TAF4B: variants seen among roughly 807,000 people sequenced by gnomAD.
TAF4B encodes TATA-box binding protein associated factor 4b.
In TAF4B, 38 loss-of-function variants were observed where a neutral mutation model predicts 86.4. The observed-to-expected ratio is 0.44, with a 90% confidence interval of 0.34 to 0.58. TAF4B has a LOEUF of 0.58. Among genes scored for constraint, TAF4B ranks in the 20% least tolerant of loss-of-function variants. TAF4B has a pLI of 0.02. For missense variants in TAF4B, 988 were observed against 1,027.6 expected, an observed-to-expected ratio of 0.96 and a Z score of 0.53; for synonymous variants, 388 against 391.2, an observed-to-expected ratio of 0.99 and a Z score of 0.10.
In TAF4B at chr18:26,299,565, C is replaced by T. The variant is rs555158146; in HGVS notation, c.1832+6034C>T. On this transcript the variant is annotated intron_variant, in intron 9 of 14. Coordinates refer to ENST00000269142, the MANE Select transcript of TAF4B (RefSeq NM_005640.3). ...AAAAATGAGTCATAGTCTTCCCCCC[C>T]TCCTTTGTTTTAAGCTTTTGTGTAG... Among the ~76,000 whole-genome samples the T allele has an allele frequency of 1.1e-4, 16 of 152,198 alleles. No individual in the cohort carries two copies. The South Asian group carries it at 3.3e-3, about 32-fold the overall frequency.
intron 1 of TAF4B, chr18:26,256,411 T>C (rs527292534): frequency 9.8e-7 from 1 of 1,019,154 alleles, no homozygotes; most frequent in Admixed American, 1.7e-5. Context: ...CGCAATAACG[T>C]CCCCGAGGTG....
chr18:26,331,422 G>A (rs967674515), intron 12 of TAF4B, among the ~76,000 whole-genome samples: 2 of 151,936 alleles, frequency 1.3e-5, no homozygotes, highest in African/African-American at 4.8e-5. Flanking sequence ...TTTTAAGTTT[G>A]TATCTCCATT....
chr18:26,387,205 A>C (rs1262750253), intron 14 of TAF4B, among the ~76,000 whole-genome samples: 1 of 152,170 alleles, frequency 6.6e-6, no homozygotes, highest in African/African-American at 2.4e-5. Context: ...AAGTGAGCTT[A>C]CAGACGCACA....
intron 5 of TAF4B, among the ~76,000 whole-genome samples, chr18:26,279,049 TAAAG>T (rs2056415543): frequency 6.6e-6 from 1 of 151,386 alleles, no homozygotes; most frequent in Non-Finnish European, 1.5e-5. Context: ...GAGAAAGAAA[TAAAG>T]GCCTCCAAAT....
chr18:26,297,134 T>TAA (rs34976057), intron 9 of TAF4B, among the ~76,000 whole-genome samples: 4 of 138,346 alleles, frequency 2.9e-5, no homozygotes. Flanking sequence ...ACTGTCTCAT[T>TAA]AAAAAAAAAA....
At chr18:26,385,870 T>TA (rs1229133153) in intron 14 of TAF4B, among the ~76,000 whole-genome samples, 3 of 152,116 alleles carry the variant, frequency 2.0e-5, no homozygotes, top group Middle Eastern at 3.2e-3. Context: ...GGCTGTAAGT[T>TA]ACCTGTGCAC....
chr18:26,385,719 A>G (rs899372702), intron 14 of TAF4B, among the ~76,000 whole-genome samples: 2 of 143,660 alleles, frequency 1.4e-5, no homozygotes, highest in Non-Finnish European at 3.0e-5. Context: ...TCTTCTTGCA[A>G]ACTCTGGGCC....
At chr18:26,247,500 A>G (rs1415735632) in intron 1 of TAF4B, among the ~76,000 whole-genome samples, 1 of 152,182 alleles carries the variant, frequency 6.6e-6, no homozygotes, top group Non-Finnish European at 1.5e-5. Context: ...TGCTTACTGT[A>G]GAAAATTTGG....
intron 9 of TAF4B, among the ~76,000 whole-genome samples, chr18:26,301,038 C>T (rs2056726250): frequency 6.6e-6 from 1 of 152,176 alleles, no homozygotes; most frequent in South Asian, 2.1e-4. Flanking sequence ...CTGTTCCCAT[C>T]ATCCAACGGT....
intron 14 of TAF4B, among the ~76,000 whole-genome samples, chr18:26,380,251 T>C (rs539017743): frequency 3.3e-5 from 5 of 152,320 alleles, no homozygotes; most frequent in African/African-American, 1.2e-4. Context: ...GGAAATTGCC[T>C]GTAATTAACC....
At chr18:26,282,506 A>T (rs1489769988) in intron 6 of TAF4B, among the ~76,000 whole-genome samples, 1 of 152,218 alleles carries the variant, frequency 6.6e-6, no homozygotes, top group African/African-American at 2.4e-5. Flanking sequence ...AAAATATTTT[A>T]TTGCTAAAAA....
intron 1 of TAF4B, among the ~76,000 whole-genome samples, chr18:26,257,842 CGTGTGTGT>C (rs57275139): frequency 0.058 from 8,199 of 141,470 alleles, 699 homozygotes; most frequent in African/African-American, 0.19. Context: ...CCTCTGCGTG[CGTGTGTGT>C]GTGTGTGTGT....
intron 7 of TAF4B, among the ~76,000 whole-genome samples, chr18:26,287,482 A>G (rs2056539412): frequency 1.3e-5 from 2 of 152,242 alleles, no homozygotes; most frequent in African/African-American, 2.4e-5. Flanking sequence ...CTGTTTGTCG[A>G]TTAGTGTTTA....
At chr18:26,314,300 T>A (rs990730359) in intron 9 of TAF4B, among the ~76,000 whole-genome samples, 3 of 152,218 alleles carry the variant, frequency 2.0e-5, no homozygotes, top group Non-Finnish European at 4.4e-5. Flanking sequence ...GTGACAAGGA[T>A]GCTATGAGGG....
intron 11 of TAF4B, among the ~76,000 whole-genome samples, chr18:26,325,919 AAATTT>A (rs1415722412): frequency 6.6e-6 from 1 of 152,188 alleles, no homozygotes; most frequent in Non-Finnish European, 1.5e-5. Context: ...CCAACAATAA[AAATTT>A]AATTTAAAAA....
chr18:26,275,889 G>A (rs1399179503), intron 5 of TAF4B, among the ~76,000 whole-genome samples: 2 of 151,804 alleles, frequency 1.3e-5, no homozygotes, highest in African/African-American at 4.8e-5. Flanking sequence ...GGTGGCGCAC[G>A]CCTGTAATCC....
chr18:26,328,199 C>T lies in TAF4B; in HGVS notation c.2259+1059C>T, dbSNP rs138396898. 9.7e-3 allele frequency among the ~76,000 whole-genome samples: 1,468 copies of T among 152,118 alleles called. 12 individuals are homozygous for T. Among genetic ancestry groups the T allele is most frequent in the African/African-American group, 0.033 (1,363 of 41,480 alleles). ...GGCACAGTGGCTCATGCCTGTAATC[C>T]CAGCACTTTGGAAGGCTGAGGTGGG... On this transcript the variant is annotated intron_variant, in intron 12 of 14. Coordinates refer to ENST00000269142, the MANE Select transcript of TAF4B (RefSeq NM_005640.3).
At chr18:26,231,689 G>A (rs768308406) in intron 1 of TAF4B, among the ~76,000 whole-genome samples, 1 of 152,052 alleles carries the variant, frequency 6.6e-6, no homozygotes, top group Non-Finnish European at 1.5e-5. Flanking sequence ...TCCAGAGTTG[G>A]TTCCTTCTGG....
At chr18:26,259,171 ATT>A (rs112435365) in intron 1 of TAF4B, among the ~76,000 whole-genome samples, 6 of 120,932 alleles carry the variant, frequency 5.0e-5, no homozygotes, top group African/African-American at 1.2e-4. Flanking sequence ...TATTTCTTTG[ATT>A]TTTTTTTTTT....
Sources: allele counts gnomAD v4.1 joint callset (sites outside exome capture counted in the v4.1 genomes callset), GRCh38; gene constraint gnomAD v4.1.1; transcripts MANE v1.5; gene names NCBI Gene and HGNC (gene_info 2026-07-23, HGNC 2026-07-21).